Variants in GLIS1 observed in about 807,000 individuals in gnomAD.
The protein encoded by GLIS1 is zinc finger protein GLIS1.
A neutral mutation model predicts 63.8 loss-of-function variants in GLIS1; 24 were observed. The ratio of observed to expected loss-of-function variants is 0.38; its 90% CI spans 0.27 to 0.53. The LOEUF is 0.53. Among genes scored for constraint, GLIS1 ranks in the 20% least tolerant of loss-of-function variants. GLIS1 has a pLI of 0.85. For missense variants in GLIS1, 1,036 were observed against 1,074.1 expected, an observed-to-expected ratio of 0.96 and a Z score of 0.50; for synonymous variants, 450 against 482.5, an observed-to-expected ratio of 0.93 and a Z score of 0.88.
chr1:53,581,523 A>T (rs1194135142), intron 4 of GLIS1, among the ~76,000 whole-genome samples: 1 of 152,208 alleles, frequency 6.6e-6, no homozygotes, highest in East Asian at 1.9e-4. Context: ...CAAAACAAAA[A>T]CATCTAGACT....
rs1644886679 is a variant in GLIS1 at position 53,560,992 on chromosome 1, T to TCCGGGACCAAGCCCCTACTGTGTGCCC, written c.1321-31067_1321-31041dup. ...TCCCTTCAGGATCTCCAATGTGCGCTCCGGGACCAAGCCCCTACTGTGTGC... is the reference window on the plus strand; with the variant it reads ...TCCCTTCAGGATCTCCAATGTGCGCTCCGGGACCAAGCCCCTACTGTGTGCCCCCGGGACCAAGCCCCTACTGTGTGC... On this transcript the variant is annotated intron_variant, in intron 4 of 10. Coordinates refer to ENST00000628545, the MANE Select transcript of GLIS1 (RefSeq NM_001367484.1). The surrounding 1 kb of genome is among the most constrained non-coding windows in gnomAD (Gnocchi z 4.4). 6.6e-6 allele frequency among the ~76,000 whole-genome samples: 1 copy of TCCGGGACCAAGCCCCTACTGTGTGCCC among 152,146 alleles called. No individual in the cohort carries two copies. Among genetic ancestry groups the TCCGGGACCAAGCCCCTACTGTGTGCCC allele is most frequent in the East Asian group, 1.9e-4 (1 of 5,182 alleles).
At chr1:53,688,278 G>A (rs757967238) in intron 2 of GLIS1, among the ~76,000 whole-genome samples, 8 of 152,238 alleles carry the variant, frequency 5.3e-5, no homozygotes, top group Non-Finnish European at 7.3e-5. Flanking sequence ...GGATAAATCC[G>A]TCTGAGTCTG....
intron 2 of GLIS1, among the ~76,000 whole-genome samples, chr1:53,625,661 T>C (rs1209978850): frequency 2.6e-5 from 4 of 152,202 alleles, no homozygotes; most frequent in Admixed American, 2.6e-4. Flanking sequence ...TCCTATTGTG[T>C]CTGGAGCCAG....
rs1320864254 is a variant in GLIS1, at chr1:53,529,961, G to C, written c.1321-9C>G. The C allele has an allele frequency of 6.2e-7, 1 of 1,611,596 alleles. No homozygotes were observed. On this transcript the variant is annotated splice_polypyrimidine_tract_variant and intron_variant, in intron 4 of 10. Coordinates refer to ENST00000628545, the MANE Select transcript of GLIS1 (RefSeq NM_001367484.1). ...TTGCTGCAGCCTTCAAACTGCAGGA[G>C]AGGCTGGTGAGGGGAACTCCCAGCC...
At chr1:53,522,443 G>A (rs1644419802) in intron 6 of GLIS1, among the ~76,000 whole-genome samples, 2 of 152,230 alleles carry the variant, frequency 1.3e-5, no homozygotes, top group Non-Finnish European at 2.9e-5. Context: ...CCTCCCTGGT[G>A]TGGAGCTCCA....
At chr1:53,507,065 G>A (rs953034223) in intron 10 of GLIS1, among the ~76,000 whole-genome samples, 1 of 152,138 alleles carries the variant, frequency 6.6e-6, no homozygotes, top group Non-Finnish European at 1.5e-5. Flanking sequence ...TGGGCTGTGG[G>A]GCAGAATGTG....
At chr1:53,536,213 C>T (rs909556249) in intron 4 of GLIS1, among the ~76,000 whole-genome samples, 1 of 152,034 alleles carries the variant, frequency 6.6e-6, no homozygotes, top group Non-Finnish European at 1.5e-5. Context: ...ACACAACAGA[C>T]TGATCTGGCT....
At chr1:53,617,918 AT>A (rs1340718615) in intron 2 of GLIS1, among the ~76,000 whole-genome samples, 1 of 152,150 alleles carries the variant, frequency 6.6e-6, no homozygotes, top group East Asian at 1.9e-4. Flanking sequence ...CTGTGTCTTG[AT>A]TTCTTGCATC....
chr1:53,658,529 CATT>C, intron 2 of GLIS1, among the ~76,000 whole-genome samples: 1 of 152,302 alleles, frequency 6.6e-6, no homozygotes, highest in African/African-American at 2.4e-5. Context: ...ACACAGCAGT[CATT>C]ATGGGCTCAA....
chr1:53,546,780 T>A (rs1347962005), intron 4 of GLIS1, among the ~76,000 whole-genome samples: 2 of 152,242 alleles, frequency 1.3e-5, no homozygotes, highest in South Asian at 2.1e-4. Context: ...GTCCTGCTCA[T>A]CCTCCAAGCT....
At chr1:53,649,453 G>A (rs894361610) in intron 2 of GLIS1, among the ~76,000 whole-genome samples, 19 of 152,090 alleles carry the variant, frequency 1.2e-4, no homozygotes, top group Admixed American at 1.3e-4. Context: ...AGTATATTGC[G>A]CACCACAGTA....
At chr1:53,607,251 G>C (rs1441686067) in intron 2 of GLIS1, among the ~76,000 whole-genome samples, 1 of 152,138 alleles carries the variant, frequency 6.6e-6, no homozygotes, top group African/African-American at 2.4e-5. Context: ...CAAAAAGCAG[G>C]GAAATACATG....
chr1:53,714,132 T>A (rs1194932446), intron 2 of GLIS1, among the ~76,000 whole-genome samples: 1 of 152,062 alleles, frequency 6.6e-6, no homozygotes, highest in Non-Finnish European at 1.5e-5. Context: ...ACAAACAAGG[T>A]CCAAAGTTAG....
At chr1:53,586,351 C>T (rs546429198) in intron 4 of GLIS1, among the ~76,000 whole-genome samples, 8 of 152,312 alleles carry the variant, frequency 5.3e-5, no homozygotes, top group African/African-American at 1.9e-4. Flanking sequence ...TTTCACAGTG[C>T]AGGAAACTGA....
At chr1:53,618,197 A>G (rs540327195) in intron 2 of GLIS1, among the ~76,000 whole-genome samples, 1 of 152,306 alleles carries the variant, frequency 6.6e-6, no homozygotes, top group African/African-American at 2.4e-5. Context: ...CACCTCCCCA[A>G]CCCTTGCCCA....
intron 4 of GLIS1, among the ~76,000 whole-genome samples, chr1:53,576,987 A>C (rs1645038159): frequency 6.6e-6 from 1 of 151,526 alleles, no homozygotes; most frequent in African/African-American, 2.4e-5. Context: ...TGATGGCTCC[A>C]CTGCTCACCC....
intron 2 of GLIS1, among the ~76,000 whole-genome samples, chr1:53,692,030 A>T (rs1570056959): frequency 6.6e-6 from 1 of 151,918 alleles, no homozygotes; most frequent in African/African-American, 2.4e-5. Context: ...GCAATTTCAC[A>T]CCCAGCCTGC....
At chr1:53,673,170 C>T (rs561544323) in intron 2 of GLIS1, among the ~76,000 whole-genome samples, 20 of 152,194 alleles carry the variant, frequency 1.3e-4, no homozygotes, top group Non-Finnish European at 2.6e-4. Flanking sequence ...AGTTTAGGCT[C>T]ATAAGTGTTA....
intron 2 of GLIS1, among the ~76,000 whole-genome samples, chr1:53,682,467 G>A (rs1452209047): frequency 6.6e-6 from 1 of 152,250 alleles, no homozygotes; most frequent in Admixed American, 6.5e-5. Context: ...TTCCTCTGCA[G>A]GTTACCTCTC....
Sources: allele counts gnomAD v4.1 joint callset (sites outside exome capture counted in the v4.1 genomes callset), GRCh38; gene constraint gnomAD v4.1.1; non-coding constraint Gnocchi (gnomAD v3.1); transcripts MANE v1.5; gene names NCBI Gene and HGNC (gene_info 2026-07-23, HGNC 2026-07-21).